Variants in NCKAP1 observed in about 807,000 individuals in gnomAD.
The protein encoded by NCKAP1 is NCK associated protein 1, also known as nck-associated protein 1.
A neutral mutation model predicts 151.2 loss-of-function variants in NCKAP1; 21 were observed. The ratio of observed to expected loss-of-function variants is 0.14; its 90% confidence interval spans 0.10 to 0.20. NCKAP1 has a LOEUF of 0.20. Among genes scored for constraint, NCKAP1 ranks in the 10% least tolerant of loss-of-function variants. The pLI, the probability that NCKAP1 is intolerant of heterozygous loss-of-function variation, is 1.00. For missense variants in NCKAP1, 933 were observed against 1,352.1 expected, an observed-to-expected ratio of 0.69 and a Z score of 4.86; for synonymous variants, 484 against 451.8, an observed-to-expected ratio of 1.07 and a Z score of -0.90.
chr2:182,910,451 A>G lies in NCKAP1; in HGVS notation c.*15251T>C, dbSNP rs1696370277. 6.6e-6 allele frequency: 1 copy of G among 152,272 alleles called. No individual in the cohort carries two copies. The highest frequency in any genetic ancestry group is 6.5e-5 in the Admixed American group (1 of 15,288). The allele number at this position is 152,272 out of a possible 1,614,324, so 9.4% of individuals were successfully genotyped here. A position where few individuals can be genotyped will look rare whatever the true frequency, so the allele number is the denominator to read the frequency against. ...TGTTAATGTATACTCATATGTGCCCACAACAGTTGGAGCCTTGGGAACAAG... is the reference window on the plus strand; with the variant it reads ...TGTTAATGTATACTCATATGTGCCCGCAACAGTTGGAGCCTTGGGAACAAG... On this transcript the variant is annotated 3_prime_UTR_variant, in exon 31 of 31. Coordinates refer to ENST00000361354, the MANE Select transcript of NCKAP1 (RefSeq NM_013436.5).
Position 183,003,067 on chromosome 2 carries a change from T to TA in NCKAP1, c.313-38dup, listed in dbSNP as rs755320637. The TA allele has an allele frequency of 9.2e-6, 14 of 1,528,258 alleles. 1 individual carries two copies. The highest frequency in any genetic ancestry group is 8.3e-5 in the South Asian group (7 of 83,912). The allele number at this position is 1,528,258 out of a possible 1,614,324, so 94.7% of individuals were successfully genotyped here. ...TACTTATTTTAATCTTTTATCTGTA[T>TA]AAATCTGTTTAAATTCAGAAAACAC... is the stretch of plus-strand genomic sequence containing the variant. On this transcript the variant is annotated intron_variant, in intron 3 of 30. Coordinates refer to ENST00000361354, the MANE Select transcript of NCKAP1 (RefSeq NM_013436.5).
rs1697916947 is a variant in NCKAP1 at position 182,980,600 on chromosome 2, A to T, written c.1341+644T>A. Reference sequence around the variant, plus strand: ...ATGAAAAATATTGAATAAATAAATTATGGAAAGCAAAAAAAGGCTAAAAAC... The same window carrying T: ...ATGAAAAATATTGAATAAATAAATTTTGGAAAGCAAAAAAAGGCTAAAAAC... On this transcript the variant is annotated intron_variant, in intron 13 of 30. Transcript: ENST00000361354. Among the ~76,000 whole-genome samples the T allele has an allele frequency of 2.0e-5, 3 of 152,254 alleles. No homozygotes were observed. In the South Asian group the frequency reaches 6.2e-4, roughly 32 times the overall value.
intron 15 of NCKAP1, among the ~76,000 whole-genome samples, chr2:182,975,962 C>G (rs1040281905): frequency 6.6e-6 from 1 of 151,962 alleles, no homozygotes; most frequent in African/African-American, 2.4e-5. Context: ...AATAGCAAAA[C>G]AGTACATAGT....
intron 8 of NCKAP1, among the ~76,000 whole-genome samples, chr2:182,990,362 G>C (rs1343077057): frequency 6.6e-6 from 1 of 152,070 alleles, no homozygotes; most frequent in African/African-American, 2.4e-5. Context: ...AGTTGAAGAA[G>C]TGAAGGGTCA....
At chr2:182,955,535 T>C (rs988919354) in intron 20 of NCKAP1, among the ~76,000 whole-genome samples, 2 of 152,124 alleles carry the variant, frequency 1.3e-5, no homozygotes, top group African/African-American at 4.8e-5. Context: ...TAACAGGAAA[T>C]TCTAATTAGA....
chr2:182,956,640 G>A, intron 19 of NCKAP1, 47 bp from the exon 20 acceptor site: 2 of 1,532,450 alleles, frequency 1.3e-6, no homozygotes, highest in Admixed American at 2.1e-5. Flanking sequence ...GTCATCACAG[G>A]CAATACAAAA....
intron 23 of NCKAP1, among the ~76,000 whole-genome samples, chr2:182,943,777 A>G (rs966468257): frequency 1.3e-5 from 2 of 152,188 alleles, no homozygotes; most frequent in Non-Finnish European, 2.9e-5. Flanking sequence ...TATTTACTAT[A>G]ATCCAATTAA....
At chr2:183,032,703 C>T (rs1212019024) in intron 1 of NCKAP1, among the ~76,000 whole-genome samples, 1 of 152,100 alleles carries the variant, frequency 6.6e-6, no homozygotes, top group Admixed American at 6.5e-5. Context: ...ACAGATGCTC[C>T]TCAACTTAAC....
chr2:182,962,043 G>A, intron 18 of NCKAP1, 116 bp downstream of exon 18: 2 of 1,069,138 alleles, frequency 1.9e-6, no homozygotes, highest in Non-Finnish European at 2.7e-6. Context: ...AGAGGTTTGA[G>A]GTTTACTAAT....
At chr2:182,952,984 A>G in intron 21 of NCKAP1, 61 bp from the exon 22 acceptor site, 1 of 1,536,108 alleles carries the variant, frequency 6.5e-7, no homozygotes, top group Non-Finnish European at 8.8e-7. Flanking sequence ...GTATCATGAT[A>G]TACATTCCTG....
chr2:182,948,944 A>C (rs918756668), intron 23 of NCKAP1, among the ~76,000 whole-genome samples: 3 of 152,208 alleles, frequency 2.0e-5, no homozygotes, highest in Admixed American at 6.5e-5. Flanking sequence ...GACAACAAAA[A>C]AAACAGAGTT....
chr2:182,987,571 C>G (rs1399556321), intron 9 of NCKAP1, among the ~76,000 whole-genome samples: 1 of 152,066 alleles, frequency 6.6e-6, no homozygotes, highest in African/African-American at 2.4e-5. Context: ...TTTACTTGCA[C>G]CATACATAAG....
chr2:182,942,171 A>C lies in NCKAP1; in HGVS notation c.2602-8T>G. ...ATTCTCCACCACAAGTTTCTAAAAA[A>C]AAAAGAAAGATCCTAGGTCAGGCAC... On this transcript the variant is annotated splice_polypyrimidine_tract_variant and splice_region_variant and intron_variant, in intron 23 of 30. Coordinates refer to ENST00000361354, the MANE Select transcript of NCKAP1 (RefSeq NM_013436.5). The C allele has an allele frequency of 6.2e-7, 1 of 1,608,052 alleles. No individual in the cohort carries two copies. Among genetic ancestry groups the C allele is most frequent in the Non-Finnish European group, 8.5e-7 (1 of 1,176,394 alleles).
intron 23 of NCKAP1, 53 bp from the exon 24 acceptor site, chr2:182,942,216 A>C (rs967475459): frequency 3.1e-5 from 42 of 1,348,880 alleles, no homozygotes; most frequent in Non-Finnish European, 4.4e-5. Flanking sequence ...TGTGTTAATG[A>C]GATAAGAGCA....
intron 1 of NCKAP1, chr2:183,024,887 T>A: frequency 7.2e-7 from 1 of 1,392,832 alleles, no homozygotes; most frequent in South Asian, 1.2e-5. Context: ...ACTATGGCTA[T>A]GTTGTGGATT....
At chr2:182,985,706 G>A (rs1034013182) in intron 10 of NCKAP1, among the ~76,000 whole-genome samples, 2 of 151,714 alleles carry the variant, frequency 1.3e-5, no homozygotes, top group Non-Finnish European at 2.9e-5. Flanking sequence ...AGGAGGCTGA[G>A]GCAGGAGAAT....
intron 15 of NCKAP1, among the ~76,000 whole-genome samples, chr2:182,971,243 A>T (rs1221817017): frequency 6.6e-6 from 1 of 150,708 alleles, no homozygotes; most frequent in Non-Finnish European, 1.5e-5. Context: ...AAATACAAAA[A>T]ATTAGCCGGG....
chr2:182,999,646 A>G (rs1294157488), intron 6 of NCKAP1, among the ~76,000 whole-genome samples: 1 of 152,224 alleles, frequency 6.6e-6, no homozygotes. Flanking sequence ...CAATTTCATT[A>G]CTGGGTAGAT....
intron 22 of NCKAP1, 50 bp from the exon 23 acceptor site, chr2:182,952,552 A>G: frequency 7.4e-7 from 1 of 1,358,918 alleles, no homozygotes; most frequent in South Asian, 1.3e-5. Context: ...CAAATACTTT[A>G]AGAAAATGAA....
Sources: gnomAD v4.1 joint callset for allele counts (sites outside exome capture counted in the v4.1 genomes callset) on GRCh38, gnomAD v4.1.1 for gene constraint, MANE v1.5 for transcripts, NCBI Gene and HGNC (gene_info 2026-07-23, HGNC 2026-07-21) for gene names.